SRD5A2: variants seen among roughly 807,000 people sequenced by gnomAD.
The protein encoded by SRD5A2 is steroid 5 alpha-reductase 2.
SRD5A2 carries 30 observed loss-of-function variants against 27.4 expected under a neutral mutation model. The observed-to-expected ratio is 1.10, with a 90% confidence interval of 0.82 to 1.49. The LOEUF (loss-of-function observed/expected upper bound fraction) is 1.49, where lower values mean the gene tolerates loss of function less well. Ranked by LOEUF, SRD5A2 falls within the 40% of genes most tolerant of loss-of-function variation. SRD5A2 has a pLI of 0.00. For missense variants in SRD5A2, 348 were observed against 323.4 expected (o/e 1.08, Z -0.58); for synonymous variants, 141 against 133.6 (o/e 1.06, Z -0.38).
chr2:31,649,368 G>A, the SRD5A2 span, among the ~76,000 whole-genome samples: 1 of 152,074 alleles, frequency 6.6e-6, no homozygotes, highest in Admixed American at 6.6e-5. Context: ...GACAGGACTT[G>A]CAAGCAATTG....
At chr2:31,585,384 A>C (rs1667158717), upstream of SRD5A2, among the ~76,000 whole-genome samples, 2 of 152,038 alleles carry the variant, frequency 1.3e-5, no homozygotes, top group Non-Finnish European at 2.9e-5. Context: ...CACAACTCTA[A>C]AAGAGACCCC....
At chr2:31,607,278 G>C in the SRD5A2 span, among the ~76,000 whole-genome samples, 479 of 151,980 alleles carry the variant, frequency 3.2e-3, 1 homozygote, top group African/African-American at 0.011. Flanking sequence ...AAAGGCAAAA[G>C]TTTACAGATT....
the SRD5A2 span, among the ~76,000 whole-genome samples, chr2:31,636,814 A>AT: frequency 2.0e-5 from 3 of 152,102 alleles, no homozygotes; most frequent in Non-Finnish European, 4.4e-5. Flanking sequence ...GTATCTCTGG[A>AT]ACAAATCCTA....
At chr2:31,559,001 G>A (rs1038014301) in intron 1 of SRD5A2, among the ~76,000 whole-genome samples, 4 of 152,168 alleles carry the variant, frequency 2.6e-5, no homozygotes, top group Admixed American at 6.5e-5. Flanking sequence ...ATGAATTTAG[G>A]AGAGACATGC....
chr2:31,633,421 A>T, the SRD5A2 span, among the ~76,000 whole-genome samples: 7 of 151,916 alleles, frequency 4.6e-5, no homozygotes, highest in African/African-American at 1.7e-4. Flanking sequence ...AAGTGTGCCA[A>T]AGAAATAATT....
At chr2:31,619,706 T>C in the SRD5A2 span, among the ~76,000 whole-genome samples, 1 of 152,180 alleles carries the variant, frequency 6.6e-6, no homozygotes, top group East Asian at 1.9e-4. Context: ...TGAACTTTTT[T>C]TCATATGATT....
intron 1 of SRD5A2, among the ~76,000 whole-genome samples, chr2:31,545,551 C>A (rs552737077): frequency 2.6e-5 from 4 of 152,218 alleles, no homozygotes; most frequent in African/African-American, 9.6e-5. Context: ...ACCAACCAAA[C>A]TGAGAATGGA....
rs1665761734 is a variant in SRD5A2, at chr2:31,525,684, A to G, written c.*512T>C. ...CTCATCTTTCCTAATTAACCAAGAA[A>G]AAGGAAGCCATGACTGGGGTTTTCA... On this transcript the variant is annotated 3_prime_UTR_variant, in exon 5 of 5. Transcript: ENST00000622030. The G allele has an allele frequency of 8.7e-6, 2 of 228,694 alleles. No individual in the cohort carries two copies. The highest frequency in any genetic ancestry group is 2.2e-5 in the African/African-American group (1 of 45,186). The allele number at this position is 228,694 out of a possible 1,614,324, so 14.2% of individuals were successfully genotyped here.
At chr2:31,641,901 C>T in the SRD5A2 span, among the ~76,000 whole-genome samples, 3 of 151,982 alleles carry the variant, frequency 2.0e-5, 1 homozygote, top group Admixed American at 2.0e-4. Flanking sequence ...AATTATTAAG[C>T]TTCTAAGCTT....
Position 31,531,387 on chromosome 2 carries a change from G to A in SRD5A2, c.531C>T (p.Ser177=), listed in dbSNP as rs1251554698. 1.3e-5 allele frequency: 21 copies of A among 1,587,054 alleles called. No homozygotes were observed. Among genetic ancestry groups the A allele is most frequent in the African/African-American group, 4.0e-5 (3 of 74,580 alleles). The part of the protein sequence containing the change: ...LRQLRKPGEI[S]YRIPQGGLFT... ...AGACATTACCTTGTGGAATCCTGTAGCTGATTTCTCCAGGCTTCCTGAGCT... is the reference window on the plus strand; with the variant it reads ...AGACATTACCTTGTGGAATCCTGTAACTGATTTCTCCAGGCTTCCTGAGCT... Residue 177 remains serine, a synonymous_variant, in exon 3 of 5, where the codon AGC becomes AGT. Transcript: ENST00000622030.
intron 1 of SRD5A2, among the ~76,000 whole-genome samples, chr2:31,569,606 T>C (rs570108750): frequency 2.0e-5 from 3 of 151,874 alleles, no homozygotes; most frequent in South Asian, 2.1e-4. Context: ...AGGCAGTTCA[T>C]TGGACAAAAA....
intron 3 of SRD5A2, 119 bp from the exon 4 acceptor site, chr2:31,529,576 C>T: frequency 7.3e-7 from 1 of 1,360,930 alleles, no homozygotes; most frequent in Non-Finnish European, 9.9e-7. Context: ...CTGGAGGCTC[C>T]CTCCATAGTC....
intron 1 of SRD5A2, among the ~76,000 whole-genome samples, chr2:31,576,250 GAC>G (rs1442911358): frequency 3.3e-5 from 3 of 90,548 alleles, no homozygotes; most frequent in Non-Finnish European, 6.7e-5. Flanking sequence ...CTACTCATCT[GAC>G]AAAGGGCTAA....
At chr2:31,579,685 C>T (rs1667029680) in intron 1 of SRD5A2, among the ~76,000 whole-genome samples, 1 of 152,184 alleles carries the variant, frequency 6.6e-6, no homozygotes, top group Non-Finnish European at 1.5e-5. Context: ...AAGGTTACAA[C>T]AGAGTTAAGT....
intron 1 of SRD5A2, among the ~76,000 whole-genome samples, chr2:31,568,633 T>G (rs1323331605): frequency 6.6e-6 from 1 of 152,194 alleles, no homozygotes; most frequent in Non-Finnish European, 1.5e-5. Flanking sequence ...CACCCAGGCT[T>G]CAGGCCATCC....
intron 1 of SRD5A2, among the ~76,000 whole-genome samples, chr2:31,554,159 A>G (rs547534541): frequency 3.9e-5 from 6 of 152,266 alleles, no homozygotes; most frequent in African/African-American, 1.4e-4. Context: ...AGAATACCAC[A>G]TAACATCTGT....
chr2:31,544,527 T>C (rs1423517815), intron 1 of SRD5A2, among the ~76,000 whole-genome samples: 2 of 151,752 alleles, frequency 1.3e-5, no homozygotes, highest in South Asian at 2.1e-4. Flanking sequence ...CAACATAACA[T>C]ACTAAAACTT....
the SRD5A2 span, among the ~76,000 whole-genome samples, chr2:31,634,230 C>G: frequency 6.6e-6 from 1 of 151,948 alleles, no homozygotes; most frequent in African/African-American, 2.4e-5. Flanking sequence ...TTTTGACAGA[C>G]TTTTTAACAG....
chr2:31,606,616 G>C, the SRD5A2 span, among the ~76,000 whole-genome samples: 58 of 151,926 alleles, frequency 3.8e-4, no homozygotes, highest in African/African-American at 1.2e-3. Context: ...AGCATTTTTA[G>C]TAAGGTTTTA....
Sources: allele counts gnomAD v4.1 joint callset (sites outside exome capture counted in the v4.1 genomes callset), GRCh38; gene constraint gnomAD v4.1.1; transcripts MANE v1.5; gene names NCBI Gene and HGNC (gene_info 2026-07-23, HGNC 2026-07-21).